EVA1A: variants seen among roughly 807,000 people sequenced by gnomAD.
EVA1A encodes the protein eva-1 homolog A, regulator of programmed cell death, also known as protein eva-1 homolog A.
Under a neutral mutation model 9.8 loss-of-function variants are expected in EVA1A, and 7 were observed. The ratio of observed to expected loss-of-function variants is 0.71; its 90% CI spans 0.41 to 1.34. EVA1A has a LOEUF of 1.34. Ranked by LOEUF, EVA1A falls within the 40% of genes most tolerant of loss-of-function variation. The probability of loss-of-function intolerance (pLI) is 0.01; values close to 1 mark genes in which losing one functional copy is unlikely to be tolerated. For missense variants in EVA1A, 206 were observed against 205.9 expected, an observed-to-expected ratio of 1.00 and a Z score of 0.00; for synonymous variants, 90 against 85.6, an observed-to-expected ratio of 1.05 and a Z score of -0.28.
At chr2:75,536,472 C>G (rs777220308) in intron 1 of EVA1A, among the ~76,000 whole-genome samples, 38 of 152,004 alleles carry the variant, frequency 2.5e-4, no homozygotes, top group Admixed American at 8.5e-4. Context: ...ACATTGATAT[C>G]TATTAAGTCT....
chr2:75,522,331 CA>C (rs1370374550), intron 2 of EVA1A, 33 bp downstream of exon 2: 2 of 152,104 alleles, frequency 1.3e-5, no homozygotes, highest in East Asian at 3.9e-4. Context: ...ACATAGTGTT[CA>C]GGGGGTAATA....
intron 1 of EVA1A, among the ~76,000 whole-genome samples, chr2:75,531,411 GAGGAAAATGTC>G (rs1249377500): frequency 1.3e-5 from 2 of 152,160 alleles, no homozygotes; most frequent in Non-Finnish European, 2.9e-5. Flanking sequence ...CATCTACCCA[GAGGAAAATGTC>G]ATTAAATGGA....
At chr2:75,522,590 G>T (rs1675271070) in intron 1 of EVA1A, 103 bp from the exon 2 acceptor site, 1 of 152,258 alleles carries the variant, frequency 6.6e-6, no homozygotes, top group Non-Finnish European at 1.5e-5. Context: ...AGCTTTGGTG[G>T]CTAGTGTCTG....
At chr2:75,548,776 T>C (rs1212373531) in intron 1 of EVA1A, among the ~76,000 whole-genome samples, 2 of 151,970 alleles carry the variant, frequency 1.3e-5, no homozygotes, top group Non-Finnish European at 2.9e-5. Context: ...ACCCTGTTCT[T>C]GTCCAGGATA....
chr2:75,526,208 A>G (rs1675431147), intron 1 of EVA1A: 1 of 152,230 alleles, frequency 6.6e-6, no homozygotes, highest in Admixed American at 6.5e-5. Flanking sequence ...CACTGCAAAC[A>G]GAATCAAATG....
intron 1 of EVA1A, among the ~76,000 whole-genome samples, chr2:75,539,184 A>G (rs1676025785): frequency 6.6e-6 from 1 of 152,220 alleles, no homozygotes; most frequent in South Asian, 2.1e-4. Context: ...ATTAGGGGAA[A>G]TATCCTCTTT....
rs774857992 is a variant in EVA1A at position 75,518,151 on chromosome 2, G to A, written c.-11C>T. On this transcript the variant is annotated 5_prime_UTR_variant, in exon 3 of 4. Transcript: ENST00000393913. ...GAGGGGCAGCCTCATGGGACATCCA[G>A]AGGGGACCTCCTGGAGGTGCTTGGC... is the stretch of plus-strand genomic sequence containing the variant. The A allele has an allele frequency of 1.9e-6, 3 of 1,613,342 alleles. No individual in the cohort carries two copies. In the South Asian group the frequency reaches 3.3e-5, roughly 18 times the overall value.
At chr2:75,538,920 T>C (rs188611635) in intron 1 of EVA1A, among the ~76,000 whole-genome samples, 2 of 152,250 alleles carry the variant, frequency 1.3e-5, no homozygotes, top group African/African-American at 4.8e-5. Context: ...ATGTTCTGTA[T>C]CTTGACTGTA....
chr2:75,498,393 T>G (rs191823551), intron 3 of EVA1A, among the ~76,000 whole-genome samples: 100 of 152,182 alleles, frequency 6.6e-4, no homozygotes, highest in African/African-American at 2.4e-3. Flanking sequence ...GCTCACCACC[T>G]AAGTGATGGG....
intron 3 of EVA1A, among the ~76,000 whole-genome samples, chr2:75,498,743 A>T (rs1356135441): frequency 2.6e-5 from 4 of 151,944 alleles, no homozygotes; most frequent in Non-Finnish European, 5.9e-5. Context: ...GTATCTGTAC[A>T]TCTCTAGTTG....
In EVA1A at chr2:75,517,397, A is replaced by G. The variant is rs910765195; in HGVS notation, c.85+659T>C. 7.2e-5 allele frequency among the ~76,000 whole-genome samples: 11 copies of G among 152,238 alleles called. 1 individual carries two copies. The highest frequency in any genetic ancestry group is 1.5e-5 in the Non-Finnish European group (1 of 68,040). On this transcript the variant is annotated intron_variant, in intron 3 of 3. Coordinates refer to ENST00000393913, the MANE Select transcript of EVA1A (RefSeq NM_001135032.2). ...GAAATTAAAAACTCATTCAAGCAACAGAGGAACAGTTTAGTCATTCAAACC... is the reference window on the plus strand; with the variant it reads ...GAAATTAAAAACTCATTCAAGCAACGGAGGAACAGTTTAGTCATTCAAACC...
chr2:75,528,916 AT>A (rs1338547066), intron 1 of EVA1A, among the ~76,000 whole-genome samples: 2 of 152,200 alleles, frequency 1.3e-5, no homozygotes, highest in Non-Finnish European at 1.5e-5. Flanking sequence ...ACAACAGCTA[AT>A]TTCACTATCT....
intron 3 of EVA1A, among the ~76,000 whole-genome samples, chr2:75,494,483 G>A (rs770286978): frequency 3.3e-5 from 5 of 152,224 alleles, no homozygotes; most frequent in African/African-American, 7.2e-5. Flanking sequence ...TTACTTGCTG[G>A]TTCTGATGAA....
intron 3 of EVA1A, among the ~76,000 whole-genome samples, chr2:75,499,953 C>T (rs1386594264): frequency 6.6e-6 from 1 of 152,154 alleles, no homozygotes; most frequent in African/African-American, 2.4e-5. Flanking sequence ...CTTACACAGC[C>T]ATTTTCTTTG....
At chr2:75,567,496 G>A (rs78071209) in intron 1 of EVA1A, among the ~76,000 whole-genome samples, 1 of 152,134 alleles carries the variant, frequency 6.6e-6, no homozygotes, top group African/African-American at 2.4e-5. Context: ...GAGTGATTTG[G>A]TTTGAAAGAT....
chr2:75,563,962 C>G (rs531927859), upstream of EVA1A, among the ~76,000 whole-genome samples: 2 of 152,236 alleles, frequency 1.3e-5, no homozygotes, highest in East Asian at 3.9e-4. Flanking sequence ...ATGAGAGGGC[C>G]CATTGCTTCA....
At chr2:75,507,291 A>AC (rs1674650150) in intron 3 of EVA1A, among the ~76,000 whole-genome samples, 1 of 152,168 alleles carries the variant, frequency 6.6e-6, no homozygotes, top group African/African-American at 2.4e-5. Context: ...TAACCAAGAC[A>AC]CTAGTCCTGG....
Position 75,493,513 on chromosome 2 carries a change from G to T in EVA1A, c.182C>A (p.Thr61Lys), listed in dbSNP as rs777407818. The change falls in exon 4 of 4, where the codon ACA becomes AAA. Residue 61 changes from threonine (T) to lysine (K), a missense_variant. Physicochemically the swap from Thr to Lys is moderately conservative, Grantham distance 78 (BLOSUM62 -1). Transcript: ENST00000393913. ...AALVIRISCH[T>K]DCRRRPGKKF... ...CTTCCCGGGACGCCGCCTGCAGTCT[G>T]TGTGGCAAGAGATCCTTATCACCAG... 6.2e-7 allele frequency: 1 copy of T among 1,614,216 alleles called. No homozygotes were observed. Among genetic ancestry groups the T allele is most frequent in the Non-Finnish European group, 8.5e-7 (1 of 1,180,046 alleles).
chr2:75,530,666 A>C (rs1675614650), intron 1 of EVA1A, among the ~76,000 whole-genome samples: 1 of 152,220 alleles, frequency 6.6e-6, no homozygotes, highest in Non-Finnish European at 1.5e-5. Context: ...TGATCATCTC[A>C]ATAGATGCAG....
Sources: gnomAD v4.1 joint callset for allele counts (sites outside exome capture counted in the v4.1 genomes callset) on GRCh38, gnomAD v4.1.1 for gene constraint, MANE v1.5 for transcripts, NCBI Gene and HGNC (gene_info 2026-07-23, HGNC 2026-07-21) for gene names.